Variants in MCC observed in about 807,000 individuals in gnomAD.
The protein encoded by MCC is MCC regulator of Wnt signaling pathway.
In MCC, 90 loss-of-function variants were observed where a neutral mutation model predicts 116.2. The observed-to-expected ratio is 0.77, with a 90% CI of 0.65 to 0.92. The LOEUF is 0.92. MCC is among the 40% of genes least tolerant of loss of function. The probability of loss-of-function intolerance (pLI) is 0.00; values close to 1 mark genes in which losing one functional copy is unlikely to be tolerated. For missense variants in MCC, 1,516 were observed against 1,312.2 expected, an observed-to-expected ratio of 1.16 and a Z score of -2.40; for synonymous variants, 578 against 510.5, an observed-to-expected ratio of 1.13 and a Z score of -1.78.
chr5:113,356,091 C>G (rs1455151016), intron 2 of MCC, among the ~76,000 whole-genome samples: 4 of 142,978 alleles, frequency 2.8e-5, no homozygotes, highest in African/African-American at 5.2e-5. Flanking sequence ...GAGACAGGGT[C>G]TTGTTCTGTC....
intron 17 of MCC, among the ~76,000 whole-genome samples, chr5:113,032,689 T>G (rs1433657388): frequency 2.0e-5 from 3 of 152,226 alleles, no homozygotes; most frequent in Admixed American, 6.5e-5. Context: ...TAAGACCTAC[T>G]GGGCTGCATT....
chr5:113,116,348 A>G (rs147275954), intron 6 of MCC, among the ~76,000 whole-genome samples: 1 of 152,220 alleles, frequency 6.6e-6, no homozygotes, highest in Non-Finnish European at 1.5e-5. Flanking sequence ...AAGGTCCCGA[A>G]GTTATTTCCA....
At chr5:113,028,901 G>C in intron 18 of MCC, 33 bp downstream of exon 18, 12 of 1,605,914 alleles carry the variant, frequency 7.5e-6, no homozygotes, top group Non-Finnish European at 1.0e-5. Context: ...ACAGGTGGAG[G>C]GCGGTGGGGG....
chr5:113,354,439 C>CT (rs67121130), intron 2 of MCC, among the ~76,000 whole-genome samples: 18 of 146,128 alleles, frequency 1.2e-4, no homozygotes, highest in Middle Eastern at 3.5e-3. Flanking sequence ...TTTCCTTTTT[C>CT]TTTTTTTTTT....
chr5:113,367,681 T>A (rs1209504024), intron 2 of MCC, among the ~76,000 whole-genome samples: 1 of 146,636 alleles, frequency 6.8e-6, no homozygotes, highest in African/African-American at 2.5e-5. Context: ...AGAGAGAGAA[T>A]CCCCTGACTG....
intron 3 of MCC, among the ~76,000 whole-genome samples, chr5:113,245,821 T>C (rs545605245): frequency 6.6e-6 from 1 of 152,266 alleles, no homozygotes; most frequent in East Asian, 1.9e-4. Flanking sequence ...TTAAAACCCA[T>C]TCAATCACAG....
intron 6 of MCC, among the ~76,000 whole-genome samples, chr5:113,107,165 T>C (rs1489730338): frequency 6.6e-6 from 1 of 151,286 alleles, no homozygotes; most frequent in Non-Finnish European, 1.5e-5. Flanking sequence ...ATTTATTTAA[T>C]AGACAGGAAG....
intron 3 of MCC, among the ~76,000 whole-genome samples, chr5:113,282,919 C>T (rs1045128489): frequency 1.3e-5 from 2 of 152,242 alleles, no homozygotes; most frequent in Admixed American, 1.3e-4. Context: ...TAAAACTCCT[C>T]TTTGAAGACT....
intron 1 of MCC, among the ~76,000 whole-genome samples, chr5:113,487,991 A>C (rs1772589471): frequency 2.0e-5 from 3 of 152,120 alleles, no homozygotes; most frequent in African/African-American, 7.2e-5. Flanking sequence ...CATCCTAAGG[A>C]GATGTCTCCC....
At chr5:113,339,417 G>A (rs1036438009) in intron 3 of MCC, among the ~76,000 whole-genome samples, 1 of 135,782 alleles carries the variant, frequency 7.4e-6, no homozygotes, top group Non-Finnish European at 1.6e-5. Flanking sequence ...TAGTGTGTGT[G>A]TGTGTGTGTG....
intron 3 of MCC, among the ~76,000 whole-genome samples, chr5:113,288,868 C>T (rs1045353284): frequency 6.6e-5 from 10 of 152,136 alleles, no homozygotes; most frequent in Admixed American, 5.9e-4. Flanking sequence ...ATTTCTAAAC[C>T]TGTAACATGG....
intron 1 of MCC, among the ~76,000 whole-genome samples, chr5:113,443,120 C>T (rs537123832): frequency 6.6e-6 from 1 of 152,208 alleles, no homozygotes; most frequent in Admixed American, 6.5e-5. Context: ...ATTGATTCTT[C>T]CTATCCATGA....
chr5:113,082,102 G>A (rs1754899999), intron 11 of MCC, among the ~76,000 whole-genome samples: 1 of 152,208 alleles, frequency 6.6e-6, no homozygotes. Flanking sequence ...TGCTTTGTTA[G>A]CAACTCCCTC....
chr5:113,459,162 T>TGTGTGTGG (rs1771669918), intron 1 of MCC, among the ~76,000 whole-genome samples: 1 of 133,540 alleles, frequency 7.5e-6, no homozygotes, highest in African/African-American at 3.1e-5. Context: ...TGTGTGTGTG[T>TGTGTGTGG]GTGTGTGTGT....
chr5:113,268,419 C>T (rs2150351854), intron 3 of MCC, among the ~76,000 whole-genome samples: 1 of 152,340 alleles, frequency 6.6e-6, no homozygotes, highest in African/African-American at 2.4e-5. Context: ...GTACCACTGT[C>T]ATCAATTTCC....
intron 17 of MCC, among the ~76,000 whole-genome samples, chr5:113,040,968 T>C (rs1751671440): frequency 6.6e-6 from 1 of 152,214 alleles, no homozygotes; most frequent in Non-Finnish European, 1.5e-5. Context: ...AATATCCAAA[T>C]GGCTCCCACT....
At chr5:113,361,713 C>G (rs1373283209) in intron 2 of MCC, among the ~76,000 whole-genome samples, 1 of 152,128 alleles carries the variant, frequency 6.6e-6, no homozygotes, top group Non-Finnish European at 1.5e-5. Context: ...CTGCCTTCAC[C>G]CAATGTGTGC....
intron 2 of MCC, among the ~76,000 whole-genome samples, chr5:113,352,619 T>C (rs1385218695): frequency 6.6e-6 from 1 of 152,166 alleles, no homozygotes; most frequent in East Asian, 1.9e-4. Flanking sequence ...ATGACTTTTC[T>C]GAAGCATTCA....
chr5:113,384,860 G>T, intron 2 of MCC, 108 bp downstream of exon 2: 1 of 1,331,176 alleles, frequency 7.5e-7, no homozygotes, highest in Non-Finnish European at 1.0e-6. Flanking sequence ...GGCAGCCTCA[G>T]TATGAGCTGA....
Sources: gnomAD v4.1 joint callset for allele counts (sites outside exome capture counted in the v4.1 genomes callset) on GRCh38, gnomAD v4.1.1 for gene constraint, MANE v1.5 for transcripts, NCBI Gene and HGNC (gene_info 2026-07-23, HGNC 2026-07-21) for gene names.